Variants in MMP16 observed in about 807,000 individuals in gnomAD.
MMP16 encodes the protein matrix metalloproteinase-16.
A neutral mutation model predicts 67.8 loss-of-function variants in MMP16; 12 were observed. That is an observed-to-expected ratio of 0.18 (90% CI 0.11 to 0.29). MMP16 has a LOEUF of 0.29. Among genes scored for constraint, MMP16 ranks in the 10% least tolerant of loss-of-function variants. MMP16 has a pLI of 1.00. For missense variants in MMP16, 475 were observed against 765.7 expected, an observed-to-expected ratio of 0.62 and a Z score of 4.48; for synonymous variants, 249 against 255.9, an observed-to-expected ratio of 0.97 and a Z score of 0.26.
intron 4 of MMP16, among the ~76,000 whole-genome samples, chr8:88,146,375 T>C (rs1481193882): frequency 1.3e-5 from 2 of 152,032 alleles, no homozygotes; most frequent in Non-Finnish European, 2.9e-5. Flanking sequence ...CATGTATTTT[T>C]GTCCTTATTC....
rs138457609 is a variant in MMP16, at chr8:88,315,012, T to C, written c.132+12063A>G. Among the ~76,000 whole-genome samples the C allele has an allele frequency of 6.2e-3, 949 of 152,272 alleles. 6 individuals are homozygous for C. Among genetic ancestry groups the C allele is most frequent in the African/African-American group, 0.022 (901 of 41,550 alleles). On this transcript the variant is annotated intron_variant, in intron 1 of 9. Transcript: ENST00000286614. ...GCAGCAAGTTGAGATAATCCTAAGG[T>C]TCACTGCATTTGTTTCCCATCTCTC...
intron 6 of MMP16, among the ~76,000 whole-genome samples, chr8:88,087,901 G>T (rs1808862558): frequency 6.6e-6 from 1 of 151,156 alleles, no homozygotes; most frequent in African/African-American, 2.4e-5. Flanking sequence ...CCGTGATTGT[G>T]GTACTGCGCT....
intron 6 of MMP16, among the ~76,000 whole-genome samples, chr8:88,087,143 G>A (rs1808847216): frequency 6.6e-6 from 1 of 151,818 alleles, no homozygotes. Context: ...CTGGCCTATA[G>A]TCCTAAATTA....
At chr8:88,112,666 G>GGTGGGTGTGTGTGTGTGTGTGTGT (rs1809356391) in intron 6 of MMP16, among the ~76,000 whole-genome samples, 1 of 146,790 alleles carries the variant, frequency 6.8e-6, no homozygotes, top group Non-Finnish European at 1.5e-5. Flanking sequence ...AGGACAGAAG[G>GGTGGGTGTGTGTGTGTGTGTGTGT]GTGTGTGTGT....
intron 4 of MMP16, among the ~76,000 whole-genome samples, chr8:88,140,695 C>G (rs974857570): frequency 6.6e-6 from 1 of 151,858 alleles, no homozygotes; most frequent in Non-Finnish European, 1.5e-5. Context: ...CTATATTTTT[C>G]AAAAGTCTTA....
At chr8:88,268,748 A>ATG in intron 1 of MMP16, among the ~76,000 whole-genome samples, 1 of 152,304 alleles carries the variant, frequency 6.6e-6, no homozygotes, top group East Asian at 1.9e-4. Flanking sequence ...ATCTATACGG[A>ATG]TGCACTGTGT....
chr8:88,271,757 T>A (rs1318654411), intron 1 of MMP16, among the ~76,000 whole-genome samples: 1 of 152,230 alleles, frequency 6.6e-6, no homozygotes, highest in African/African-American at 2.4e-5. Flanking sequence ...AAAGACCTCA[T>A]AATTGAGTCC....
At chr8:88,102,092 T>C (rs1258283798) in intron 6 of MMP16, among the ~76,000 whole-genome samples, 2 of 151,876 alleles carry the variant, frequency 1.3e-5, no homozygotes, top group African/African-American at 4.8e-5. Context: ...TGGACTGTGT[T>C]TTCTGTGACC....
chr8:88,158,263 G>A (rs1167672099), intron 4 of MMP16, among the ~76,000 whole-genome samples: 1 of 152,108 alleles, frequency 6.6e-6, no homozygotes, highest in Non-Finnish European at 1.5e-5. Flanking sequence ...TTCCACAATG[G>A]TTGAACTAGT....
At chr8:88,312,033 G>A (rs912881106) in intron 1 of MMP16, among the ~76,000 whole-genome samples, 2 of 152,174 alleles carry the variant, frequency 1.3e-5, no homozygotes, top group Non-Finnish European at 2.9e-5. Flanking sequence ...ACACCCATGT[G>A]GTAGGTGATA....
chr8:88,248,619 T>C (rs1217019286), intron 1 of MMP16, among the ~76,000 whole-genome samples: 1 of 152,006 alleles, frequency 6.6e-6, no homozygotes, highest in Non-Finnish European at 1.5e-5. Context: ...TGGCTTCTAG[T>C]GCCTCCAGTA....
intron 2 of MMP16, among the ~76,000 whole-genome samples, chr8:88,188,821 A>G (rs1251303748): frequency 6.6e-6 from 1 of 151,916 alleles, no homozygotes; most frequent in African/African-American, 2.4e-5. Context: ...ACACCTGGCT[A>G]ATTTTGTATT....
intron 1 of MMP16, among the ~76,000 whole-genome samples, chr8:88,323,697 A>G (rs1811494478): frequency 6.6e-6 from 1 of 152,122 alleles, no homozygotes; most frequent in Admixed American, 6.5e-5. Context: ...AATATCTGAC[A>G]AACTATTCAG....
chr8:88,196,556 G>A (rs1809260211), intron 2 of MMP16, among the ~76,000 whole-genome samples: 1 of 152,046 alleles, frequency 6.6e-6, no homozygotes, highest in Non-Finnish European at 1.5e-5. Flanking sequence ...TCATTAAAAA[G>A]CAAAATTATT....
chr8:88,161,882 T>C (rs1450454154), intron 4 of MMP16, among the ~76,000 whole-genome samples: 1 of 152,158 alleles, frequency 6.6e-6, no homozygotes, highest in African/African-American at 2.4e-5. Flanking sequence ...AGTTTCTTAA[T>C]CCTGAGTTCT....
chr8:88,248,463 TA>T (rs1283024116), intron 1 of MMP16, among the ~76,000 whole-genome samples: 1 of 151,790 alleles, frequency 6.6e-6, no homozygotes, highest in African/African-American at 2.4e-5. Flanking sequence ...ATGGAAAATG[TA>T]AAAAAAAGTT....
intron 6 of MMP16, among the ~76,000 whole-genome samples, chr8:88,112,427 T>C (rs536796700): frequency 6.6e-6 from 1 of 151,918 alleles, no homozygotes; most frequent in African/African-American, 2.4e-5. Flanking sequence ...TTGAGAGTAT[T>C]CATTTGAACA....
chr8:88,157,244 T>C (rs1808525488), intron 4 of MMP16, among the ~76,000 whole-genome samples: 2 of 152,130 alleles, frequency 1.3e-5, no homozygotes, highest in African/African-American at 2.4e-5. Flanking sequence ...ACTCTTGCCC[T>C]TATTCTCTAA....
At chr8:88,231,852 A>C (rs1172744881) in intron 1 of MMP16, among the ~76,000 whole-genome samples, 1 of 152,196 alleles carries the variant, frequency 6.6e-6, no homozygotes, top group African/African-American at 2.4e-5. Flanking sequence ...AATAATTATA[A>C]ATATGATAAA....
Sources: gnomAD v4.1 joint callset for allele counts (sites outside exome capture counted in the v4.1 genomes callset) on GRCh38, gnomAD v4.1.1 for gene constraint, MANE v1.5 for transcripts, NCBI Gene and HGNC (gene_info 2026-07-23, HGNC 2026-07-21) for gene names.